USP24: variants seen among roughly 807,000 people sequenced by gnomAD.
USP24 encodes the protein ubiquitin carboxyl-terminal hydrolase 24.
In USP24, 97 loss-of-function variants were observed where a neutral mutation model predicts 361.6. That is an observed-to-expected ratio of 0.27 (90% CI 0.23 to 0.32). USP24 has a LOEUF of 0.32. Among genes scored for constraint, USP24 ranks in the 10% least tolerant of loss-of-function variants. The pLI is 1.00. For synonymous variants in USP24, 1,098 were observed against 1,124.6 expected (o/e 0.98, Z 0.47); for missense variants, 2,353 against 3,165.6 (o/e 0.74, Z 6.16).
chr1:55,109,517 C>T (rs565820866), intron 39 of USP24, among the ~76,000 whole-genome samples: 5 of 152,318 alleles, frequency 3.3e-5, no homozygotes, highest in Admixed American at 2.0e-4. Context: ...CTCTGGCCTT[C>T]AGGAACCTCA....
chr1:55,204,039 A>G (rs1481366682), intron 1 of USP24, among the ~76,000 whole-genome samples: 1 of 151,712 alleles, frequency 6.6e-6, no homozygotes, highest in Non-Finnish European at 1.5e-5. Context: ...CTAAAAGAAA[A>G]ACCATTAACA....
Position 55,215,151 on chromosome 1 carries a change from G to A in USP24, c.-38C>T, listed in dbSNP as rs1569864940. The A allele has an allele frequency of 1.6e-6, 2 of 1,215,194 alleles. No homozygotes were observed. The highest frequency in any genetic ancestry group is 2.1e-6 in the Non-Finnish European group (2 of 973,864). The allele number at this position is 1,215,194 out of a possible 1,614,324, so 75.3% of individuals were successfully genotyped here. The stretch of plus-strand genomic sequence containing the variant: ...CTGGCCGCCCCGGCCAGCGCACGGC[G>A]AAGCTACGGGTCCCGGGCCTGGCGG... On this transcript the variant is annotated 5_prime_UTR_variant, in exon 1 of 68. Transcript: ENST00000294383.
chr1:55,178,703 ATAAATAAATAAATAAATAAATAAAT>A (rs1294225034), intron 1 of USP24, among the ~76,000 whole-genome samples: 23 of 124,896 alleles, frequency 1.8e-4, no homozygotes, highest in African/African-American at 8.1e-4. Context: ...AAATAAATAA[ATAAATAAATAAATAAATAAATAAAT>A]AAAAAGAACT....
rs1264246901 is a variant in USP24 at position 55,153,885 on chromosome 1, C to T, written c.1845G>A (p.Lys615=). 1.2e-5 allele frequency: 18 copies of T among 1,550,992 alleles called. No individual in the cohort carries two copies. The East Asian group carries it at 4.2e-4, about 36-fold the overall frequency. The change falls in exon 16 of 68, where the codon AAG becomes AAA. Residue 615 remains lysine, a synonymous_variant. Transcript: ENST00000294383. ...AAATTCTTACCTTGAATCCATCCTTCTTGTTTTTTTCCAAACCTGACCATT... is the reference window on the plus strand; with the variant it reads ...AAATTCTTACCTTGAATCCATCCTTTTTGTTTTTTTCCAAACCTGACCATT... ...PGEWSGLEKN[K]KDGFKSSQLN... is the part of the protein sequence containing the mutation.
chr1:55,101,044 C>T, intron 43 of USP24, 80 bp from the exon 44 acceptor site: 5 of 1,471,702 alleles, frequency 3.4e-6, no homozygotes, highest in Non-Finnish European at 4.5e-6. Context: ...CATGTTAGTA[C>T]CCACATTGCT....
rs114086207 is a variant in USP24, at chr1:55,183,185, T to C, written c.325-5053A>G. On this transcript the variant is annotated intron_variant, in intron 1 of 67. Transcript: ENST00000294383. ...TATTTTACATTTTAGCTTCAAAGGA[T>C]TTAGTACTGGATCAATGTTAATTTC... 3.3e-3 allele frequency among the ~76,000 whole-genome samples: 505 copies of C among 152,340 alleles called. 3 individuals are homozygous for C. The highest frequency in any genetic ancestry group is 0.012 in the African/African-American group (485 of 41,576).
At chr1:55,155,360 A>C (rs186096726) in intron 12 of USP24, among the ~76,000 whole-genome samples, 2 of 152,278 alleles carry the variant, frequency 1.3e-5, no homozygotes, top group Admixed American at 1.3e-4. Flanking sequence ...ATCATGTGAG[A>C]TGTGAAATCA....
intron 38 of USP24, among the ~76,000 whole-genome samples, chr1:55,114,130 C>G (rs1250055020): frequency 6.6e-6 from 1 of 152,132 alleles, no homozygotes; most frequent in Non-Finnish European, 1.5e-5. Context: ...CATGAGTGAA[C>G]TCCCATTCAC....
chr1:55,174,382 A>C (rs1165164346), intron 3 of USP24, among the ~76,000 whole-genome samples: 1 of 152,220 alleles, frequency 6.6e-6, no homozygotes, highest in Non-Finnish European at 1.5e-5. Flanking sequence ...TAATAAAAGA[A>C]AGTATGCCTA....
At chr1:55,130,056 T>C (rs1042245408) in intron 31 of USP24, among the ~76,000 whole-genome samples, 3 of 152,182 alleles carry the variant, frequency 2.0e-5, no homozygotes, top group Admixed American at 6.5e-5. Context: ...AAAGGTTAAG[T>C]AGGTTAAGTG....
At position 55,078,607 on chromosome 1, in the gene USP24, G is replaced by T; in HGVS notation, c.7245C>A (p.Leu2415=). The part of the protein sequence containing the change: ...LRELTGSLLA[L]IEMVVYCCFC... Reference sequence around the variant, plus strand: ...AACAGCAGTACACTACCATCTCAATGAGTGCCAAGAGCGAGCCTGTCAGCT... The same window carrying T: ...AACAGCAGTACACTACCATCTCAATTAGTGCCAAGAGCGAGCCTGTCAGCT... Residue 2415 remains leucine (L), a synonymous_variant, in exon 61 of 68, where the codon CTC becomes CTA. Transcript: ENST00000294383. 1 of 1,611,500 alleles carries T rather than the reference G, an allele frequency of 6.2e-7. No homozygotes were observed. The highest frequency in any genetic ancestry group is 1.1e-5 in the South Asian group (1 of 90,710).
At chr1:55,198,940 T>G (rs1644489309) in intron 1 of USP24, among the ~76,000 whole-genome samples, 1 of 152,194 alleles carries the variant, frequency 6.6e-6, no homozygotes, top group African/African-American at 2.4e-5. Context: ...ATTAGACATT[T>G]CACAAGTGTC....
At chr1:55,070,450 G>A (rs1644898634) in intron 67 of USP24, among the ~76,000 whole-genome samples, 1 of 152,204 alleles carries the variant, frequency 6.6e-6, no homozygotes, top group African/African-American at 2.4e-5. Context: ...GAAAGCCCTG[G>A]AATAGTGTTT....
chr1:55,162,726 C>T (rs764385352), intron 7 of USP24, among the ~76,000 whole-genome samples: 1 of 152,096 alleles, frequency 6.6e-6, no homozygotes, highest in African/African-American at 2.4e-5. Flanking sequence ...GTAAAAACAT[C>T]AATTCTCTCT....
intron 62 of USP24, among the ~76,000 whole-genome samples, chr1:55,075,876 A>C (rs1477573066): frequency 1.3e-5 from 2 of 152,270 alleles, no homozygotes; most frequent in South Asian, 2.1e-4. Context: ...GGCTGAGGCA[A>C]AAGGATCATT....
At position 55,067,892 on chromosome 1, in the gene USP24, C is replaced by T. The variant is rs999094152; in HGVS notation, c.*1153G>A. 8.5e-5 allele frequency: 13 copies of T among 152,174 alleles called. No individual in the cohort carries two copies. Among genetic ancestry groups the T allele is most frequent in the African/African-American group, 1.2e-4 (5 of 41,450 alleles). 9.4% of individuals were successfully genotyped at this position (152,174 alleles called of 1,614,324 possible). A position where few individuals can be genotyped will look rare whatever the true frequency, so the allele number is the denominator to read the frequency against. ...TGAATGGTGCTATACTTTGGAAATA[C>T]GACTAAATGGATGGTTATTCAATTG... On this transcript the variant is annotated 3_prime_UTR_variant, in exon 68 of 68. Transcript: ENST00000294383.
intron 1 of USP24, among the ~76,000 whole-genome samples, chr1:55,193,414 G>T (rs954961089): frequency 6.6e-6 from 1 of 152,190 alleles, no homozygotes; most frequent in Non-Finnish European, 1.5e-5. Flanking sequence ...AGAAGAGGTT[G>T]TCCTATAATC....
In USP24 at chr1:55,138,000, T is replaced by C. The variant is rs1283413028; in HGVS notation, c.2929-96A>G. 10 of 1,215,076 alleles carry C rather than the reference T, an allele frequency of 8.2e-6. No homozygotes were observed. The Admixed American group carries it at 2.1e-4, about 26-fold the overall frequency. 75.3% of individuals were successfully genotyped at this position (1,215,076 alleles called of 1,614,324 possible). On this transcript the variant is annotated intron_variant, in intron 26 of 67. Transcript: ENST00000294383. ...ATCTACTAGGTACTGGGCACTGTTC[T>C]AGAAGCTGGGAACACAGCAGAGAAC...
intron 12 of USP24, among the ~76,000 whole-genome samples, chr1:55,156,658 C>G (rs935066980): frequency 6.6e-5 from 10 of 151,972 alleles, no homozygotes; most frequent in African/African-American, 2.4e-4. Flanking sequence ...GATTGATAAA[C>G]AAAGACACAC....
Sources: gnomAD v4.1 joint callset for allele counts (sites outside exome capture counted in the v4.1 genomes callset) on GRCh38, gnomAD v4.1.1 for gene constraint, MANE v1.5 for transcripts, NCBI Gene and HGNC (gene_info 2026-07-23, HGNC 2026-07-21) for gene names.